The following MEGF10 variants were observed in gnomAD, a reference collection of about 807,000 sequenced individuals.
MEGF10 encodes the protein multiple epidermal growth factor-like domains protein 10.
In MEGF10, 86 loss-of-function variants were observed where a neutral mutation model predicts 147.5. That is an observed-to-expected ratio of 0.58 (90% CI 0.49 to 0.70). MEGF10 has a LOEUF of 0.70. Among genes scored for constraint, MEGF10 ranks in the 30% least tolerant of loss-of-function variants. The pLI is 0.00. For missense variants in MEGF10, 1,329 were observed against 1,487.3 expected (o/e 0.89, Z 1.75); for synonymous variants, 478 against 525.5 (o/e 0.91, Z 1.24).
At chr5:127,243,410 C>T in the MEGF10 span, among the ~76,000 whole-genome samples, 1 of 152,152 alleles carries the variant, frequency 6.6e-6, no homozygotes, top group African/African-American at 2.4e-5. Flanking sequence ...CCCAAAAAAG[C>T]TCTCTTCATA....
At chr5:127,350,775 T>G in intron 4 of MEGF10, among the ~76,000 whole-genome samples, 1 of 152,190 alleles carries the variant, frequency 6.6e-6, no homozygotes, top group East Asian at 1.9e-4. Context: ...TTTTTTTCAT[T>G]GATTTTTAAA....
intron 5 of MEGF10, among the ~76,000 whole-genome samples, chr5:127,396,170 G>A (rs577460204): frequency 7.2e-5 from 11 of 152,210 alleles, no homozygotes; most frequent in African/African-American, 1.9e-4. Context: ...GATCATTCCC[G>A]TCTGCCTAGC....
the MEGF10 span, among the ~76,000 whole-genome samples, chr5:127,269,581 G>A: frequency 6.6e-6 from 1 of 152,132 alleles, no homozygotes. Flanking sequence ...AAGAAATATA[G>A]GACTATGTGA....
intron 4 of MEGF10, among the ~76,000 whole-genome samples, chr5:127,361,581 G>C (rs1177896876): frequency 6.6e-6 from 1 of 151,668 alleles, no homozygotes; most frequent in East Asian, 1.9e-4. Flanking sequence ...GGTTTAATTT[G>C]ATCTTTGTTT....
rs117124929 is a variant in MEGF10 at position 127,435,419 on chromosome 5, C to T, written c.2034C>T (p.Asn678=). Reference sequence around the variant, plus strand: ...CAGGAATTTGTACCTGCACCAACAACGGAACCTGTAACCCCATTGACAGAT... The same window carrying T: ...CAGGAATTTGTACCTGCACCAACAATGGAACCTGTAACCCCATTGACAGAT... ...NCAGICTCTN[N]GTCNPIDRSC... is the part of the protein sequence containing the mutation. The change falls in exon 16 of 25, where the codon AAC becomes AAT. Residue 678 remains asparagine (N), a synonymous_variant. Coordinates refer to ENST00000503335, the MANE Select transcript of MEGF10 (RefSeq NM_001256545.2). The T allele has an allele frequency of 1.3e-3, 2,165 of 1,614,078 alleles. 35 individuals are homozygous for T. The East Asian group carries it at 0.034, about 26-fold the overall frequency.
the MEGF10 span, among the ~76,000 whole-genome samples, chr5:127,266,748 T>C: frequency 6.6e-6 from 1 of 152,216 alleles, no homozygotes; most frequent in Non-Finnish European, 1.5e-5. Flanking sequence ...ATAAGAATGC[T>C]TGTGATTTTT....
At chr5:127,416,637 T>C (rs1201801023) in intron 9 of MEGF10, among the ~76,000 whole-genome samples, 1 of 152,082 alleles carries the variant, frequency 6.6e-6, no homozygotes, top group Non-Finnish European at 1.5e-5. Flanking sequence ...ATTCCAAAAA[T>C]GAGCACCAAA....
At chr5:127,264,930 T>A in the MEGF10 span, among the ~76,000 whole-genome samples, 267 of 151,796 alleles carry the variant, frequency 1.8e-3, no homozygotes, top group African/African-American at 6.4e-3. Flanking sequence ...TTTTTTTTTT[T>A]ATTATACTTT....
chr5:127,324,160 G>A (rs1041517400), intron 1 of MEGF10, among the ~76,000 whole-genome samples: 5 of 151,218 alleles, frequency 3.3e-5, no homozygotes, highest in African/African-American at 1.2e-4. Context: ...TTGAAAAAAA[G>A]AGGAAAAAAA....
At chr5:127,246,757 TA>T in the MEGF10 span, among the ~76,000 whole-genome samples, 1 of 114,114 alleles carries the variant, frequency 8.8e-6, no homozygotes, top group Non-Finnish European at 1.8e-5. Flanking sequence ...TATATTTACA[TA>T]AAATATTTAT....
chr5:127,234,696 G>A, the MEGF10 span, among the ~76,000 whole-genome samples: 10 of 152,046 alleles, frequency 6.6e-5, no homozygotes, highest in South Asian at 2.1e-4. Flanking sequence ...CATAAATGTC[G>A]TTATTTAGAA....
chr5:127,316,305 A>G (rs550309699), intron 1 of MEGF10, among the ~76,000 whole-genome samples: 1 of 152,140 alleles, frequency 6.6e-6, no homozygotes, highest in Non-Finnish European at 1.5e-5. Flanking sequence ...ATCATCACCA[A>G]TGCAGCCATG....
chr5:127,309,133 G>A (rs1307227174), intron 1 of MEGF10, among the ~76,000 whole-genome samples: 1 of 152,172 alleles, frequency 6.6e-6, no homozygotes, highest in African/African-American at 2.4e-5. Context: ...TGCAGTCCTT[G>A]TGATCCATGG....
intron 4 of MEGF10, among the ~76,000 whole-genome samples, chr5:127,347,681 T>C (rs56144110): frequency 2.0e-5 from 3 of 152,076 alleles, no homozygotes; most frequent in East Asian, 1.9e-4. Context: ...GACCAATGTA[T>C]AGTTTTCCAA....
intron 9 of MEGF10, among the ~76,000 whole-genome samples, chr5:127,415,676 G>C (rs866361476): frequency 1.3e-5 from 2 of 152,150 alleles, no homozygotes; most frequent in African/African-American, 4.8e-5. Flanking sequence ...GGCTGAGACG[G>C]GCAGATCACT....
chr5:127,314,108 G>A (rs954936943), intron 1 of MEGF10, among the ~76,000 whole-genome samples: 2 of 152,136 alleles, frequency 1.3e-5, no homozygotes, highest in Non-Finnish European at 2.9e-5. Context: ...GCTGCCTGCT[G>A]AGGCATCTGT....
At position 127,457,174 on chromosome 5, in the gene MEGF10, T is replaced by C; in HGVS notation, c.3279T>C (p.Arg1093=). 6.2e-7 allele frequency: 1 copy of C among 1,614,026 alleles called. No individual in the cohort carries two copies. Among genetic ancestry groups the C allele is most frequent in the Non-Finnish European group, 8.5e-7 (1 of 1,179,980 alleles). ...AAGGAGTATTCAGCAATAATGGGCG[T>C]CTCTCCCAGGATCCATATGACCTCC... The part of the protein sequence containing the change: ...VVQGVFSNNG[R]LSQDPYDLPK... Residue 1093 remains arginine (R), a synonymous_variant, in exon 25 of 25, where the codon CGT becomes CGC. Coordinates refer to ENST00000503335, the MANE Select transcript of MEGF10 (RefSeq NM_001256545.2).
chr5:127,305,178 C>T (rs1234428075), intron 1 of MEGF10, among the ~76,000 whole-genome samples: 2 of 152,144 alleles, frequency 1.3e-5, no homozygotes, highest in Non-Finnish European at 2.9e-5. Context: ...GGTTAAAATT[C>T]CCCCAAGACT....
intron 1 of MEGF10, among the ~76,000 whole-genome samples, chr5:127,314,136 C>G (rs972581909): frequency 6.6e-6 from 1 of 152,296 alleles, no homozygotes; most frequent in East Asian, 1.9e-4. Flanking sequence ...AGTTATGGAT[C>G]CCACTCTGTT....
Sources: gnomAD v4.1 joint callset for allele counts (sites outside exome capture counted in the v4.1 genomes callset) on GRCh38, gnomAD v4.1.1 for gene constraint, MANE v1.5 for transcripts, NCBI Gene and HGNC (gene_info 2026-07-23, HGNC 2026-07-21) for gene names.